Variants in SNRPN observed in about 807,000 individuals in gnomAD.
SNRPN encodes small nuclear ribonucleoprotein-associated protein N.
Under a neutral mutation model 25.2 loss-of-function variants are expected in SNRPN, and 7 were observed. That is an observed-to-expected ratio of 0.28 (90% CI 0.16 to 0.52). The LOEUF (loss-of-function observed/expected upper bound fraction) is 0.52. Ranked by LOEUF, SNRPN falls within the 20% of genes least tolerant of loss-of-function variation. The pLI is 0.96. For missense variants in SNRPN, 196 were observed against 322.5 expected (o/e 0.61, Z 3.00); for synonymous variants, 124 against 110.6 (o/e 1.12, Z -0.76).
chr15:24,833,453 TA>T (rs144733483), intron 2 of SNRPN, among the ~76,000 whole-genome samples: 3,372 of 152,060 alleles, frequency 0.022, 166 homozygotes, highest in African/African-American at 0.077. Context: ...GATTAAACTA[TA>T]AGGGCAAAGA....
intron 2 of SNRPN, among the ~76,000 whole-genome samples, chr15:24,964,698 G>A (rs2075363978): frequency 6.6e-6 from 1 of 152,150 alleles, no homozygotes. Flanking sequence ...AGGTAGGGCT[G>A]AGGTTTAGGA....
chr15:24,845,773 G>A (rs2052141592), intron 2 of SNRPN, among the ~76,000 whole-genome samples: 1 of 152,068 alleles, frequency 6.6e-6, no homozygotes, highest in Non-Finnish European at 1.5e-5. Context: ...TCTACTGAAT[G>A]TATAGATAAA....
chr15:24,900,210 TAAC>T (rs2058363316), intron 2 of SNRPN, among the ~76,000 whole-genome samples: 1 of 152,100 alleles, frequency 6.6e-6, no homozygotes, highest in South Asian at 2.1e-4. Context: ...GAACAGAAAA[TAAC>T]AAGCTTAGGT....
intron 3 of SNRPN, among the ~76,000 whole-genome samples, chr15:24,932,990 T>C (rs2060976803): frequency 6.6e-6 from 1 of 152,128 alleles, no homozygotes; most frequent in African/African-American, 2.4e-5. Context: ...TGACTGGGCA[T>C]GGAGCTCATG....
intron 3 of SNRPN, among the ~76,000 whole-genome samples, chr15:24,941,683 G>T (rs1409230883): frequency 6.6e-6 from 1 of 152,214 alleles, no homozygotes; most frequent in African/African-American, 2.4e-5. Context: ...ATCAGGATGA[G>T]TGGCACTAGC....
At chr15:24,977,073 C>G (rs367732907) in intron 7 of SNRPN, 44 bp downstream of exon 7, 3 of 1,474,596 alleles carry the variant, frequency 2.0e-6, no homozygotes, top group Non-Finnish European at 2.7e-6. Flanking sequence ...GAGAATATGA[C>G]TAAGCCGGAG....
chr15:24,845,068 T>C (rs1170065422), intron 2 of SNRPN, among the ~76,000 whole-genome samples: 1 of 152,304 alleles, frequency 6.6e-6, no homozygotes, highest in East Asian at 1.9e-4. Flanking sequence ...ACAAATACTC[T>C]CCTTTCTTCA....
chr15:24,837,780 A>G (rs1048504581), intron 2 of SNRPN, among the ~76,000 whole-genome samples: 1 of 150,332 alleles, frequency 6.7e-6, no homozygotes, highest in Admixed American at 6.6e-5. Context: ...GCCAGAATGC[A>G]GTGGTACAAT....
chr15:24,856,090 T>C (rs1051102901), upstream of SNRPN, among the ~76,000 whole-genome samples: 1 of 152,154 alleles, frequency 6.6e-6, no homozygotes, highest in African/African-American at 2.4e-5. Flanking sequence ...TGTGAAAATA[T>C]CACACTATTT....
chr15:24,830,236 A>T lies in SNRPN; in HGVS notation c.-579+331A>T, dbSNP rs745459072. ...CCTGACTTGGTAGCCAAATGAAATT[A>T]CCTTGCTTTACAGGCCTTTGGTTGA... is the stretch of plus-strand genomic sequence containing the variant. On this transcript the variant is annotated intron_variant, in intron 2 of 12. Transcript: ENST00000400100. 1.5e-3 allele frequency among the ~76,000 whole-genome samples: 234 copies of T among 152,156 alleles called. 11 individuals are homozygous for T. The highest frequency in any genetic ancestry group is 1.7e-3 in the Non-Finnish European group (117 of 68,018).
intron 1 of SNRPN, among the ~76,000 whole-genome samples, chr15:24,959,790 AGTT>A (rs2074474511): frequency 6.6e-6 from 1 of 152,190 alleles, no homozygotes; most frequent in African/African-American, 2.4e-5. Context: ...TGGACATTTG[AGTT>A]GTTTCCACTC....
intron 2 of SNRPN, among the ~76,000 whole-genome samples, chr15:24,844,295 A>G (rs2051995026): frequency 6.6e-6 from 1 of 152,152 alleles, no homozygotes; most frequent in African/African-American, 2.4e-5. Context: ...AAAACTCATT[A>G]ACTTGTTCGT....
At chr15:24,937,339 TTACAA>T (rs1206802581) in intron 3 of SNRPN, among the ~76,000 whole-genome samples, 2 of 152,100 alleles carry the variant, frequency 1.3e-5, no homozygotes, top group Middle Eastern at 3.4e-3. Flanking sequence ...TACCCTGTAT[TTACAA>T]AACAAAACAA....
chr15:24,851,762 T>C (rs1007546626), upstream of SNRPN: 7 of 152,106 alleles, frequency 4.6e-5, no homozygotes, highest in Admixed American at 4.6e-4. Flanking sequence ...TTATGAGGAA[T>C]TGGTTCTAGG....
chr15:24,953,245 A>G (rs578248698), upstream of SNRPN, among the ~76,000 whole-genome samples: 3 of 152,338 alleles, frequency 2.0e-5, no homozygotes, highest in East Asian at 5.8e-4. Context: ...GTCCAAAGGC[A>G]TGGTTTTCAT....
chr15:24,887,573 G>A (rs2057308249), intron 2 of SNRPN, among the ~76,000 whole-genome samples: 1 of 152,232 alleles, frequency 6.6e-6, no homozygotes, highest in East Asian at 1.9e-4. Flanking sequence ...GGAGGCCGAG[G>A]CAGGCTCACA....
upstream of SNRPN, among the ~76,000 whole-genome samples, chr15:24,953,687 GTAT>G (rs2062462398): frequency 6.6e-6 from 1 of 152,134 alleles, no homozygotes; most frequent in South Asian, 2.1e-4. Context: ...ATGTGAATAT[GTAT>G]CAATGAACTA....
chr15:24,905,263 C>T (rs992806533), intron 2 of SNRPN, among the ~76,000 whole-genome samples: 2 of 152,028 alleles, frequency 1.3e-5, no homozygotes, highest in African/African-American at 4.8e-5. Context: ...GTAAACCCAG[C>T]ACTTTGGGAG....
intron 1 of SNRPN, among the ~76,000 whole-genome samples, chr15:24,869,865 T>C (rs2054920660): frequency 6.6e-6 from 1 of 152,204 alleles, no homozygotes. Flanking sequence ...ACTGAGGACC[T>C]AAAACAAGAG....
Sources: allele counts gnomAD v4.1 joint callset (sites outside exome capture counted in the v4.1 genomes callset), GRCh38; gene constraint gnomAD v4.1.1; transcripts MANE v1.5; gene names NCBI Gene and HGNC (gene_info 2026-07-23, HGNC 2026-07-21).